The following SUPT3H variants were observed in gnomAD, a reference collection of about 807,000 sequenced individuals.
The protein encoded by SUPT3H is SPT3 homolog, SAGA and STAGA complex component.
In SUPT3H, 44 loss-of-function variants were observed where a neutral mutation model predicts 44.3. The observed-to-expected ratio is 0.99, with a 90% CI of 0.78 to 1.28. The LOEUF is 1.28. SUPT3H is among the 50% of genes most tolerant of loss of function. The pLI is 0.00. For synonymous variants in SUPT3H, 124 were observed against 125.6 expected (o/e 0.99, Z 0.09); for missense variants, 380 against 387.1 (o/e 0.98, Z 0.15).
chr6:44,869,768 A>G (rs577485741), intron 10 of SUPT3H, among the ~76,000 whole-genome samples: 1 of 152,348 alleles, frequency 6.6e-6, no homozygotes, highest in East Asian at 1.9e-4. Flanking sequence ...GTCCCTAGGA[A>G]GTACCTTCTG....
chr6:45,247,690 A>ATTTTT (rs10673729), intron 2 of SUPT3H, among the ~76,000 whole-genome samples: 1 of 144,770 alleles, frequency 6.9e-6, no homozygotes, highest in African/African-American at 2.5e-5. Context: ...TTCTTTTTCC[A>ATTTTT]TTTTTTTTTT....
intron 6 of SUPT3H, among the ~76,000 whole-genome samples, chr6:45,002,112 T>C (rs972651575): frequency 1.3e-5 from 2 of 152,070 alleles, no homozygotes; most frequent in Non-Finnish European, 2.9e-5. Flanking sequence ...TGTAACTAGT[T>C]TTATCAACTT....
chr6:45,266,974 A>G (rs966267567), intron 2 of SUPT3H, among the ~76,000 whole-genome samples: 1 of 152,180 alleles, frequency 6.6e-6, no homozygotes, highest in Admixed American at 6.5e-5. Flanking sequence ...AAAACTGTTC[A>G]GCAAACAAAA....
At chr6:45,354,392 A>G (rs1792696718) in intron 2 of SUPT3H, among the ~76,000 whole-genome samples, 2 of 152,214 alleles carry the variant, frequency 1.3e-5, no homozygotes, top group Admixed American at 1.3e-4. Context: ...TACTAAGAAC[A>G]TAAAAATTAA....
intron 10 of SUPT3H, among the ~76,000 whole-genome samples, chr6:44,840,849 C>T (rs928081947): frequency 6.6e-6 from 1 of 152,202 alleles, no homozygotes; most frequent in Non-Finnish European, 1.5e-5. Context: ...GACTCTATGC[C>T]TTCTTTCCAA....
intron 6 of SUPT3H, among the ~76,000 whole-genome samples, chr6:45,002,823 AAAAT>A (rs1378392779): frequency 6.6e-6 from 1 of 152,146 alleles, no homozygotes; most frequent in Non-Finnish European, 1.5e-5. Flanking sequence ...AGTTTAACAT[AAAAT>A]AATTATATCT....
At chr6:45,246,099 G>A (rs746110744) in intron 2 of SUPT3H, among the ~76,000 whole-genome samples, 20 of 151,880 alleles carry the variant, frequency 1.3e-4, no homozygotes, top group Non-Finnish European at 2.7e-4. Flanking sequence ...CAACATTTTT[G>A]CCCATTTTTT....
intron 2 of SUPT3H, chr6:45,321,800 C>G (rs1381201111): frequency 6.9e-6 from 11 of 1,602,424 alleles, no homozygotes; most frequent in Non-Finnish European, 7.7e-6. Context: ...ACTTACCTGC[C>G]AGAATCATTC....
At chr6:45,302,149 T>C (rs1441727837) in intron 2 of SUPT3H, among the ~76,000 whole-genome samples, 1 of 152,096 alleles carries the variant, frequency 6.6e-6, no homozygotes, top group Admixed American at 6.6e-5. Flanking sequence ...AGGTGGTATT[T>C]GGTCACATGA....
At chr6:44,882,654 G>A (rs1180350554) in intron 10 of SUPT3H, among the ~76,000 whole-genome samples, 4 of 152,050 alleles carry the variant, frequency 2.6e-5, no homozygotes, top group Non-Finnish European at 5.9e-5. Flanking sequence ...CTGGCAAACC[G>A]GATCCAGCAG....
chr6:44,929,527 G>T (rs1383286451), intron 10 of SUPT3H, among the ~76,000 whole-genome samples: 1 of 152,152 alleles, frequency 6.6e-6, no homozygotes, highest in Admixed American at 6.5e-5. Context: ...TTTAATTTAT[G>T]AAGTACATTT....
chr6:44,923,508 A>G (rs985730856), intron 10 of SUPT3H, among the ~76,000 whole-genome samples: 1 of 152,150 alleles, frequency 6.6e-6, no homozygotes, highest in Non-Finnish European at 1.5e-5. Flanking sequence ...TGATATTTAA[A>G]GCAGCCCAAA....
chr6:44,879,792 G>A (rs112778827), intron 10 of SUPT3H, among the ~76,000 whole-genome samples: 5,551 of 152,268 alleles, frequency 0.036, 145 homozygotes, highest in Middle Eastern at 0.058. Flanking sequence ...AACAGGGTCT[G>A]GAGTGGACCT....
chr6:45,365,365 A>G (rs976999892), intron 1 of SUPT3H, 64 bp from the exon 2 acceptor site: 34 of 1,106,530 alleles, frequency 3.1e-5, no homozygotes, highest in Non-Finnish European at 4.5e-5. Context: ...GCAAAAAAAA[A>G]AGAAAGCAAA....
intron 6 of SUPT3H, among the ~76,000 whole-genome samples, chr6:44,967,981 G>A (rs185314731): frequency 2.0e-5 from 3 of 151,974 alleles, no homozygotes; most frequent in African/African-American, 7.2e-5. Context: ...TTATAGAGAT[G>A]AGATCTCTAT....
At chr6:45,366,816 T>C (rs539525194) in intron 1 of SUPT3H, among the ~76,000 whole-genome samples, 3 of 152,168 alleles carry the variant, frequency 2.0e-5, no homozygotes, top group African/African-American at 7.2e-5. Flanking sequence ...TAAATTCTAC[T>C]TTCTGTATGT....
At chr6:44,985,176 CAAATAAATAAAT>C (rs770281591) in intron 6 of SUPT3H, among the ~76,000 whole-genome samples, 5 of 126,296 alleles carry the variant, frequency 4.0e-5, no homozygotes, top group Non-Finnish European at 6.5e-5. Context: ...TCATCTCTAC[CAAATAAATAAAT>C]AAATAAATAA....
At chr6:44,830,940 G>A (rs1320911924) in intron 10 of SUPT3H, among the ~76,000 whole-genome samples, 1 of 149,852 alleles carries the variant, frequency 6.7e-6, no homozygotes, top group East Asian at 2.0e-4. Flanking sequence ...ATGCTATGGA[G>A]GCAGTGAAAT....
intron 2 of SUPT3H, among the ~76,000 whole-genome samples, chr6:45,157,450 C>T (rs918685766): frequency 3.3e-5 from 5 of 151,852 alleles, no homozygotes; most frequent in African/African-American, 4.8e-5. Flanking sequence ...GCCAAGAACT[C>T]CAACCCCAAG....
Sources: gnomAD v4.1 joint callset for allele counts (sites outside exome capture counted in the v4.1 genomes callset) on GRCh38, gnomAD v4.1.1 for gene constraint, MANE v1.5 for transcripts, NCBI Gene and HGNC (gene_info 2026-07-23, HGNC 2026-07-21) for gene names.